The following DDO variants were observed in gnomAD, a reference collection of about 807,000 sequenced individuals.
The protein encoded by DDO is D-aspartate oxidase, DDO.
DDO carries 16 observed loss-of-function variants against 16.8 expected under a neutral mutation model. The ratio of observed to expected loss-of-function variants is 0.95; its 90% confidence interval spans 0.65 to 1.45. The LOEUF is 1.45. Among genes scored for constraint, DDO ranks in the 40% most tolerant of loss-of-function variants. The pLI is 0.00. For missense variants in DDO, 429 were observed against 420.3 expected, an observed-to-expected ratio of 1.02 and a Z score of -0.18; for synonymous variants, 180 against 167.2, an observed-to-expected ratio of 1.08 and a Z score of -0.59.
chr6:110,407,179 C>T (rs1481918983), intron 3 of DDO, among the ~76,000 whole-genome samples: 1 of 152,158 alleles, frequency 6.6e-6, no homozygotes, highest in African/African-American at 2.4e-5. Context: ...TAATTCTGGA[C>T]ATGGCTGTTT....
At chr6:110,399,760 A>T (rs36030282) in intron 4 of DDO, among the ~76,000 whole-genome samples, 153 of 152,308 alleles carry the variant, frequency 1.0e-3, no homozygotes, top group Non-Finnish European at 1.9e-3. Flanking sequence ...GGAGGGAGCC[A>T]GGTCTCAGGA....
intron 4 of DDO, among the ~76,000 whole-genome samples, chr6:110,404,000 C>T (rs1225459693): frequency 6.6e-6 from 1 of 152,152 alleles, no homozygotes; most frequent in Non-Finnish European, 1.5e-5. Flanking sequence ...AGTCACTTTC[C>T]CAACATTTAC....
At chr6:110,390,276 T>C (rs1773077987), downstream of DDO, among the ~76,000 whole-genome samples, 1 of 152,140 alleles carries the variant, frequency 6.6e-6, no homozygotes, top group African/African-American at 2.4e-5. Context: ...TCTCAGAACT[T>C]TGTGGACAGC....
Position 110,392,544 on chromosome 6 carries a change from T to C in DDO, c.*231A>G. On this transcript the variant is annotated 3_prime_UTR_variant, in exon 5 of 5. Coordinates refer to ENST00000368924, the MANE Select transcript of DDO (RefSeq NM_001372108.2). The stretch of plus-strand genomic sequence containing the variant: ...GGTGGGAACTGGCACCTCTAAAAAA[T>C]GTTACCCAGATTGCACTCAAACTCC... The C allele has an allele frequency of 8.2e-7, 1 of 1,212,566 alleles. No homozygotes were observed. The highest frequency in any genetic ancestry group is 1.0e-6 in the Non-Finnish European group (1 of 976,280). The allele number at this position is 1,212,566 out of a possible 1,614,324, so 75.1% of individuals were successfully genotyped here.
intron 4 of DDO, among the ~76,000 whole-genome samples, chr6:110,396,212 C>G (rs2114811328): frequency 6.6e-6 from 1 of 152,360 alleles, no homozygotes; most frequent in East Asian, 1.9e-4. Context: ...GACTGAAGGT[C>G]AAGCTGCTGG....
chr6:110,398,295 A>G (rs923199256), intron 4 of DDO, among the ~76,000 whole-genome samples: 2 of 151,710 alleles, frequency 1.3e-5, no homozygotes, highest in Non-Finnish European at 2.9e-5. Flanking sequence ...CCTTTCCTTC[A>G]CCTCACTGGG....
rs1773928323 is a variant in DDO, at chr6:110,413,391, T to G, written c.72A>C (p.Lys24Asn). Residue 24 changes from lysine (K) to asparagine (N), a missense_variant, in exon 2 of 5, where the codon AAA becomes AAC. Transcript: ENST00000368924. ...TGGTAACGGAGCATCGGGGCACCAG[T>G]TTGGAGATGCACACAGCCGTGGAGA... ...VGLSTAVCIS[K>N]LVPRCSVTII... The G allele has an allele frequency of 6.2e-7, 1 of 1,613,948 alleles. No homozygotes were observed. Among genetic ancestry groups the G allele is most frequent in the Non-Finnish European group, 8.5e-7 (1 of 1,180,014 alleles).
chr6:110,392,906 G>T lies in DDO; in HGVS notation c.895C>A (p.Pro299Thr). 1 of 1,614,230 alleles carries T rather than the reference G, an allele frequency of 6.2e-7. No individual in the cohort carries two copies. Among genetic ancestry groups the T allele is most frequent in the Non-Finnish European group, 8.5e-7 (1 of 1,180,048 alleles). The change falls in exon 5 of 5, where the codon CCT becomes ACT. Residue 299 changes from proline to threonine, a missense_variant. Pro to Thr is a conservative substitution (Grantham distance 38). Transcript: ENST00000368924. ...ELLARDGQRL[P>T]VVHHYGHGSG... ...CCATGGCCATAGTGGTGGACTACAG[G>T]CAGCCTCTGTCCATCTCGCGCAAGG...
chr6:110,397,054 C>G (rs1393653434), intron 4 of DDO, among the ~76,000 whole-genome samples: 1 of 152,108 alleles, frequency 6.6e-6, no homozygotes, highest in Non-Finnish European at 1.5e-5. Flanking sequence ...TTCATATGAC[C>G]TCGGCCAAGT....
At chr6:110,405,086 G>C in intron 3 of DDO, 136 bp from the exon 4 acceptor site, 1 of 861,370 alleles carries the variant, frequency 1.2e-6, no homozygotes, top group Non-Finnish European at 1.8e-6. Context: ...ACCCAGGTGG[G>C]AGTGCAGTGG....
At chr6:110,401,463 T>TA (rs138367265) in intron 4 of DDO, among the ~76,000 whole-genome samples, 76,137 of 147,430 alleles carry the variant, frequency 0.52, 20,051 homozygotes, top group East Asian at 0.85. Flanking sequence ...AAAAAGTGCT[T>TA]TAAAAAAAAA....
chr6:110,393,341 T>C lies in DDO; in HGVS notation c.460A>G (p.Ile154Val). The C allele has an allele frequency of 6.3e-7, 1 of 1,592,472 alleles. No individual in the cohort carries two copies. The highest frequency in any genetic ancestry group is 8.6e-7 in the Non-Finnish European group (1 of 1,166,430). ...AGTGTCCAGCCTCCACTTCCCTTTA[T>C]CCTACGGAAGAGAGGCCATGAAGTG... is the stretch of plus-strand genomic sequence containing the variant. ...PAYLPWLEKR[I>V]KGSGGWTLTR... Residue 154 changes from isoleucine to valine, a missense_variant and splice_region_variant, in exon 5 of 5, where the codon ATA (isoleucine) becomes GTA (valine). Transcript: ENST00000368924.
intron 4 of DDO, among the ~76,000 whole-genome samples, chr6:110,401,746 A>G (rs577425282): frequency 6.6e-6 from 1 of 152,342 alleles, no homozygotes; most frequent in South Asian, 2.1e-4. Flanking sequence ...AAAATCATCA[A>G]TGGATGCTAA....
intron 2 of DDO, among the ~76,000 whole-genome samples, chr6:110,411,960 C>G (rs780111935): frequency 1.3e-5 from 2 of 152,130 alleles, no homozygotes; most frequent in Non-Finnish European, 2.9e-5. Flanking sequence ...GTTCAAAAAT[C>G]AATGCATTGG....
chr6:110,412,157 A>T (rs1188796845), intron 2 of DDO, among the ~76,000 whole-genome samples: 1 of 152,048 alleles, frequency 6.6e-6, no homozygotes. Flanking sequence ...GAGGCATGAG[A>T]ATCTCTTGAA....
intron 2 of DDO, 152 bp from the exon 3 acceptor site, chr6:110,408,594 C>G: frequency 1.6e-6 from 1 of 644,282 alleles, no homozygotes; most frequent in South Asian, 2.0e-5. Context: ...TAAAGTGCCA[C>G]ATTGTGGCAG....
Position 110,392,662 on chromosome 6 carries a change from G to A in DDO, c.*113C>T. 1.4e-6 allele frequency: 2 copies of A among 1,408,712 alleles called. No homozygotes were observed. The highest frequency in any genetic ancestry group is 1.8e-6 in the Non-Finnish European group (2 of 1,085,192). 87.3% of individuals were successfully genotyped at this position (1,408,712 alleles called of 1,614,324 possible). ...GCTTACATGTTACACCACTTCTAATGTTGAAAACAAAGAAATGTCTAATTA... is the reference window on the plus strand; with the variant it reads ...GCTTACATGTTACACCACTTCTAATATTGAAAACAAAGAAATGTCTAATTA... On this transcript the variant is annotated 3_prime_UTR_variant, in exon 5 of 5. Transcript: ENST00000368924.
At chr6:110,407,665 T>G (rs542304739) in intron 3 of DDO, among the ~76,000 whole-genome samples, 2 of 152,218 alleles carry the variant, frequency 1.3e-5, no homozygotes, top group Non-Finnish European at 2.9e-5. Flanking sequence ...TTGAAAGTGA[T>G]AGAATATTAA....
intron 1 of DDO, 36 bp downstream of exon 1, chr6:110,415,431 G>C (rs777666865): frequency 5.6e-6 from 9 of 1,612,632 alleles, no homozygotes; most frequent in Non-Finnish European, 7.6e-6. Context: ...AGCATGGACG[G>C]AACGACCCCT....
Sources: allele counts gnomAD v4.1 joint callset (sites outside exome capture counted in the v4.1 genomes callset), GRCh38; gene constraint gnomAD v4.1.1; transcripts MANE v1.5; gene names NCBI Gene and HGNC (gene_info 2026-07-23, HGNC 2026-07-21).